The following GALNT10 variants were observed in gnomAD, a reference collection of about 807,000 sequenced individuals.
GALNT10 encodes the protein GalNAc transferase 10.
GALNT10 carries 41 observed loss-of-function variants against 75.0 expected under a neutral mutation model. The observed-to-expected ratio is 0.55, with a 90% CI of 0.43 to 0.71. The LOEUF is 0.71. Among genes scored for constraint, GALNT10 ranks in the 30% least tolerant of loss-of-function variants. GALNT10 has a pLI of 0.00. For synonymous variants in GALNT10, 302 were observed against 313.0 expected (o/e 0.96, Z 0.37); for missense variants, 727 against 818.5 (o/e 0.89, Z 1.36).
intron 1 of GALNT10, among the ~76,000 whole-genome samples, chr5:154,195,953 G>A (rs1244920648): frequency 6.6e-6 from 1 of 151,370 alleles, no homozygotes; most frequent in Non-Finnish European, 1.5e-5. Context: ...ACGGAGTTTT[G>A]CTCTTGTTGC....
intron 4 of GALNT10, among the ~76,000 whole-genome samples, chr5:154,354,774 C>G (rs1755262405): frequency 6.6e-6 from 1 of 152,148 alleles, no homozygotes; most frequent in Non-Finnish European, 1.5e-5. Flanking sequence ...ACTCACACAT[C>G]TGCTGTACCC....
intron 1 of GALNT10, among the ~76,000 whole-genome samples, chr5:154,192,552 C>A (rs1276728471): frequency 6.6e-6 from 1 of 152,250 alleles, no homozygotes; most frequent in Non-Finnish European, 1.5e-5. Flanking sequence ...GATCACCTTT[C>A]ATCTCCTTTT....
At chr5:154,325,598 AG>A (rs1470809749) in intron 3 of GALNT10, among the ~76,000 whole-genome samples, 2 of 151,836 alleles carry the variant, frequency 1.3e-5, no homozygotes, top group African/African-American at 4.8e-5. Flanking sequence ...AATAAAATAA[AG>A]GACAAAACTT....
chr5:154,274,896 C>T (rs986107527), intron 1 of GALNT10, among the ~76,000 whole-genome samples: 1 of 152,192 alleles, frequency 6.6e-6, no homozygotes, highest in African/African-American at 2.4e-5. Context: ...GGCATGCATG[C>T]ACTCGCCTCT....
intron 1 of GALNT10, among the ~76,000 whole-genome samples, chr5:154,250,468 A>G (rs1174827433): frequency 1.3e-5 from 2 of 152,206 alleles, no homozygotes; most frequent in Non-Finnish European, 2.9e-5. Flanking sequence ...TCAGTGGCTC[A>G]GCAGCATAAT....
intron 4 of GALNT10, among the ~76,000 whole-genome samples, chr5:154,337,315 C>T (rs1754959639): frequency 6.6e-6 from 1 of 152,332 alleles, no homozygotes; most frequent in Non-Finnish European, 1.5e-5. Flanking sequence ...TGCCCATACA[C>T]ATGAATATTT....
chr5:154,322,786 C>G (rs1456586855), intron 3 of GALNT10, among the ~76,000 whole-genome samples: 1 of 152,178 alleles, frequency 6.6e-6, no homozygotes, highest in African/African-American at 2.4e-5. Context: ...GGATCCTGGC[C>G]TCCCTGCAGG....
rs138555674 is a variant in GALNT10, at chr5:154,279,592, C to T, written c.160-15224C>T. ...TGCTAGTATTACAGGCATGAGCCTC[C>T]GCACCTGGCTTAATGGTAGTTTTGA... On this transcript the variant is annotated intron_variant, in intron 1 of 11. Coordinates refer to ENST00000297107, the MANE Select transcript of GALNT10 (RefSeq NM_198321.4). 9.2e-3 allele frequency among the ~76,000 whole-genome samples: 1,403 copies of T among 151,954 alleles called. 97 individuals carry two copies. The highest frequency in any genetic ancestry group is 0.082 in the Admixed American group (1,248 of 15,254).
At chr5:154,373,359 G>A (rs1244399820) in intron 4 of GALNT10, among the ~76,000 whole-genome samples, 3 of 152,202 alleles carry the variant, frequency 2.0e-5, no homozygotes, top group Non-Finnish European at 4.4e-5. Context: ...GTAGAATGAA[G>A]GGACTAACTA....
chr5:154,356,357 G>A (rs886834714), intron 4 of GALNT10: 36 of 372,686 alleles, frequency 9.7e-5, no homozygotes, highest in African/African-American at 7.2e-4. Context: ...AGTGAAGCAG[G>A]GTACTGTGAG....
At chr5:154,340,826 A>G (rs144039448) in intron 4 of GALNT10, among the ~76,000 whole-genome samples, 228 of 152,366 alleles carry the variant, frequency 1.5e-3, no homozygotes, top group African/African-American at 5.2e-3. Context: ...AGCTGTTTAC[A>G]TCAGAGGCTT....
chr5:154,226,399 T>C (rs1164333369), intron 1 of GALNT10, among the ~76,000 whole-genome samples: 1 of 152,242 alleles, frequency 6.6e-6, no homozygotes, highest in African/African-American at 2.4e-5. Flanking sequence ...GGGCTCTTGA[T>C]AGCAAACTCT....
At chr5:154,287,936 A>G (rs1202958493) in intron 1 of GALNT10, among the ~76,000 whole-genome samples, 2 of 123,164 alleles carry the variant, frequency 1.6e-5, no homozygotes, top group African/African-American at 3.0e-5. Context: ...GAGAGTGTGC[A>G]TGTGTGTGCA....
chr5:154,217,237 T>C lies in GALNT10; in HGVS notation c.159+26212T>C, dbSNP rs1246832607. 3.9e-5 allele frequency among the ~76,000 whole-genome samples: 6 copies of C among 152,306 alleles called. No homozygotes were observed. The East Asian group carries it at 9.7e-4, about 25-fold the overall frequency. ...GACCTCTCTGACACTACTCCCACCCTTCCCAATTTTTGTGCGCTACAGTGG... is the reference window on the plus strand; with the variant it reads ...GACCTCTCTGACACTACTCCCACCCCTCCCAATTTTTGTGCGCTACAGTGG... On this transcript the variant is annotated intron_variant, in intron 1 of 11. Transcript: ENST00000297107.
At chr5:154,296,451 A>T (rs1754274239) in intron 2 of GALNT10, among the ~76,000 whole-genome samples, 1 of 152,166 alleles carries the variant, frequency 6.6e-6, no homozygotes, top group South Asian at 2.1e-4. Flanking sequence ...TGCCAGACAT[A>T]CTAGAATTAT....
rs1414985541 is a variant in GALNT10 at position 154,376,437 on chromosome 5, T to C, written c.729T>C (p.Asn243=). The C allele has an allele frequency of 2.5e-6, 4 of 1,588,500 alleles. No individual in the cohort carries two copies. Among genetic ancestry groups the C allele is most frequent in the East Asian group, 2.3e-5 (1 of 43,794 alleles). Residue 243 remains asparagine (N), a synonymous_variant, in exon 5 of 12, where the codon AAT becomes AAC. Transcript: ENST00000297107. This position sits in a 1 kb window ranked among gnomAD's most constrained non-coding sequence, Gnocchi z 4.1. ...ITFLDSHCEA[N]VNWLPPLLDR... ...TCTTGGATTCACACTGTGAAGCCAA[T>C]GTCAACTGGCTTCCCCCCTTGCTTG...
intron 1 of GALNT10, among the ~76,000 whole-genome samples, chr5:154,275,533 G>C (rs1252743692): frequency 6.6e-6 from 1 of 152,154 alleles, no homozygotes; most frequent in African/African-American, 2.4e-5. Flanking sequence ...GGCTTTAAAA[G>C]AACAACAGTC....
intron 1 of GALNT10, among the ~76,000 whole-genome samples, chr5:154,239,323 C>T (rs555688566): frequency 3.3e-5 from 5 of 152,298 alleles, no homozygotes; most frequent in South Asian, 2.1e-4. Flanking sequence ...GGGCAGGGCA[C>T]GTATAAGGCA....
At chr5:154,357,430 C>CT (rs1238951962) in intron 4 of GALNT10, among the ~76,000 whole-genome samples, 2 of 152,062 alleles carry the variant, frequency 1.3e-5, no homozygotes, top group East Asian at 1.9e-4. Flanking sequence ...TTATTGTCTT[C>CT]TTTTTTCCAA....
Sources: gnomAD v4.1 joint callset for allele counts (sites outside exome capture counted in the v4.1 genomes callset) on GRCh38, gnomAD v4.1.1 for gene constraint, Gnocchi (gnomAD v3.1) non-coding constraint, MANE v1.5 for transcripts, NCBI Gene and HGNC (gene_info 2026-07-23, HGNC 2026-07-21) for gene names.